Variants in RHAG observed in about 807,000 individuals in gnomAD.
RHAG encodes ammonium transporter Rh type A.
Under a neutral mutation model 42.4 loss-of-function variants are expected in RHAG, and 25 were observed. The ratio of observed to expected loss-of-function variants is 0.59; its 90% CI spans 0.43 to 0.82. The LOEUF (loss-of-function observed/expected upper bound fraction) is 0.82, where lower values mean the gene tolerates loss of function less well. Among genes scored for constraint, RHAG ranks in the 40% least tolerant of loss-of-function variants. RHAG has a pLI of 0.00. For missense variants in RHAG, 483 were observed against 504.6 expected (o/e 0.96, Z 0.41); for synonymous variants, 182 against 177.7 (o/e 1.02, Z -0.19).
intron 2 of RHAG, among the ~76,000 whole-genome samples, chr6:49,618,924 T>A (rs1425789638): frequency 1.3e-5 from 2 of 152,126 alleles, no homozygotes; most frequent in South Asian, 2.1e-4. Flanking sequence ...GCTGACAGAC[T>A]TGGTGTCTGA....
intron 1 of RHAG, among the ~76,000 whole-genome samples, chr6:49,629,338 C>T (rs916392878): frequency 1.3e-5 from 2 of 152,038 alleles, no homozygotes; most frequent in Non-Finnish European, 2.9e-5. Context: ...GGTGCACTCA[C>T]AAACCCTGAG....
chr6:49,617,634 G>A lies in RHAG; in HGVS notation c.492+434C>T, dbSNP rs116270655. On this transcript the variant is annotated intron_variant, in intron 3 of 9. Coordinates refer to ENST00000371175, the MANE Select transcript of RHAG (RefSeq NM_000324.3). ...TGGGGGGAATCAATGAAATATTTGT[G>A]GAGAAAAAAGTTTGACTGAGGCCTT... Among the ~76,000 whole-genome samples, 217 of 152,140 alleles carry A rather than the reference G, an allele frequency of 1.4e-3. 2 individuals are homozygous for A. Among genetic ancestry groups the A allele is most frequent in the African/African-American group, 5.1e-3 (212 of 41,516 alleles).
chr6:49,614,988 C>G, intron 4 of RHAG, 135 bp from the exon 5 acceptor site: 3 of 847,738 alleles, frequency 3.5e-6, no homozygotes, highest in South Asian at 3.3e-5. Flanking sequence ...CCCTCTGTCA[C>G]CCAGGCTGGA....
chr6:49,611,104 C>T lies in RHAG; in HGVS notation c.987G>A (p.Gly329=). The change falls in exon 7 of 10, where the codon GGG becomes GGA. Residue 329 remains glycine, a synonymous_variant. Coordinates refer to ENST00000371175, the MANE Select transcript of RHAG (RefSeq NM_000324.3). The part of the protein sequence containing the change: ...TTKLRIHDTC[G]VHNLHGLPGV... ...CAGGTAAGCCGTGGAGGTTATGGAC[C>T]CCACATGTATCATGGATCCTCAGTT... 1.2e-6 allele frequency: 2 copies of T among 1,613,446 alleles called. No homozygotes were observed. Among genetic ancestry groups the T allele is most frequent in the Non-Finnish European group, 1.7e-6 (2 of 1,179,590 alleles).
intron 1 of RHAG, among the ~76,000 whole-genome samples, chr6:49,634,589 A>AT (rs1204205866): frequency 1.3e-5 from 2 of 152,080 alleles, no homozygotes; most frequent in African/African-American, 2.4e-5. Flanking sequence ...GGATGAATAG[A>AT]TAAAAAAAAA....
chr6:49,635,888 C>T (rs961126567), intron 1 of RHAG, among the ~76,000 whole-genome samples: 2 of 151,966 alleles, frequency 1.3e-5, no homozygotes, highest in African/African-American at 4.8e-5. Flanking sequence ...TTAAGAAAAG[C>T]AAATAGTCTA....
rs373196411 is a variant in RHAG at position 49,605,820 on chromosome 6, G to C, written c.1223C>G (p.Thr408Arg). The part of the protein sequence containing the change: ...DDSVYWKVPK[T>R]R Reference sequence around the variant, plus strand: ...ATGGAACTGATTGTCAAGTTATCTCGTCTTAGGGACCTTTAAAAAAACAAG... The same window carrying C: ...ATGGAACTGATTGTCAAGTTATCTCCTCTTAGGGACCTTTAAAAAAACAAG... The change falls in exon 10 of 10, where the codon ACG becomes AGG. Residue 408 changes from threonine (T) to arginine (R), a missense_variant. Coordinates refer to ENST00000371175, the MANE Select transcript of RHAG (RefSeq NM_000324.3). 2.5e-6 allele frequency: 4 copies of C among 1,612,868 alleles called. No homozygotes were observed. Among genetic ancestry groups the C allele is most frequent in the Admixed American group, 1.7e-5 (1 of 59,966 alleles).
intron 1 of RHAG, among the ~76,000 whole-genome samples, chr6:49,626,250 G>A (rs1762842198): frequency 6.6e-6 from 1 of 152,140 alleles, no homozygotes; most frequent in Non-Finnish European, 1.5e-5. Flanking sequence ...TTCCACCTGT[G>A]AGTCTGTAAA....
At chr6:49,608,650 T>A (rs1762515442) in intron 7 of RHAG, among the ~76,000 whole-genome samples, 1 of 152,210 alleles carries the variant, frequency 6.6e-6, no homozygotes, top group Non-Finnish European at 1.5e-5. Context: ...GTGCTAGGAT[T>A]ACAGGCTTGA....
rs768786444 is a variant in RHAG at position 49,636,639 on chromosome 6, G to T, written c.157+17C>A. On this transcript the variant is annotated intron_variant, in intron 1 of 9. Coordinates refer to ENST00000371175, the MANE Select transcript of RHAG (RefSeq NM_000324.3). Reference sequence around the variant, plus strand: ...AGAACCGAAAAATGTATAGTAAGTAGTAAATTGCCTACTCACGAGGATATA... The same window carrying T: ...AGAACCGAAAAATGTATAGTAAGTATTAAATTGCCTACTCACGAGGATATA... 1 of 1,613,510 alleles carries T rather than the reference G, an allele frequency of 6.2e-7. No individual in the cohort carries two copies. Among genetic ancestry groups the T allele is most frequent in the Non-Finnish European group, 8.5e-7 (1 of 1,179,440 alleles).
chr6:49,625,956 C>T (rs148392027), intron 1 of RHAG, among the ~76,000 whole-genome samples: 44 of 152,260 alleles, frequency 2.9e-4, no homozygotes, highest in Admixed American at 1.3e-3. Flanking sequence ...TCTCAAGAGA[C>T]GTATTCACTA....
At chr6:49,624,980 T>C (rs763180547) in intron 1 of RHAG, among the ~76,000 whole-genome samples, 1 of 152,240 alleles carries the variant, frequency 6.6e-6, no homozygotes. Context: ...TTTGTCTGTA[T>C]ATATCTTTAT....
chr6:49,627,722 C>T (rs887854944), intron 1 of RHAG, among the ~76,000 whole-genome samples: 4 of 152,122 alleles, frequency 2.6e-5, no homozygotes, highest in South Asian at 2.1e-4. Context: ...TGGTGGAAGG[C>T]GAATGAGGAG....
At chr6:49,636,493 G>T (rs1250465726) in intron 1 of RHAG, among the ~76,000 whole-genome samples, 163 bp downstream of exon 1, 1 of 152,118 alleles carries the variant, frequency 6.6e-6, no homozygotes, top group Non-Finnish European at 1.5e-5. Flanking sequence ...TAATCACAGA[G>T]AAGAAGACCA....
At chr6:49,607,399 G>T (rs1207962496) in intron 7 of RHAG, among the ~76,000 whole-genome samples, 179 bp from the exon 8 acceptor site, 1 of 152,166 alleles carries the variant, frequency 6.6e-6, no homozygotes. Flanking sequence ...AAACTCTTGA[G>T]CAGTGTTAGA....
At chr6:49,606,444 GTCTT>G (rs890177725) in intron 9 of RHAG, among the ~76,000 whole-genome samples, 1 of 151,886 alleles carries the variant, frequency 6.6e-6, no homozygotes, top group Admixed American at 6.6e-5. Flanking sequence ...CTTTCTGTCT[GTCTT>G]TCTTTCTCTT....
intron 1 of RHAG, among the ~76,000 whole-genome samples, chr6:49,629,585 G>A (rs566103919): frequency 7.9e-5 from 12 of 152,220 alleles, no homozygotes; most frequent in Non-Finnish European, 1.3e-4. Flanking sequence ...GGGACTGGGC[G>A]CCGTGGAGCA....
intron 1 of RHAG, among the ~76,000 whole-genome samples, chr6:49,628,375 G>T (rs1426974994): frequency 6.6e-6 from 1 of 152,114 alleles, no homozygotes; most frequent in Non-Finnish European, 1.5e-5. Context: ...AAACTCCTGG[G>T]CCCAAGTGAT....
In RHAG at chr6:49,618,231, A is replaced by G; in HGVS notation, c.342-13T>C. The G allele has an allele frequency of 2.5e-6, 4 of 1,614,106 alleles. No homozygotes were observed. Among genetic ancestry groups the G allele is most frequent in the Non-Finnish European group, 3.4e-6 (4 of 1,179,986 alleles). On this transcript the variant is annotated splice_polypyrimidine_tract_variant and intron_variant, in intron 2 of 9. Transcript: ENST00000371175. ...TGCATTTATCATGCTGAAGGGAAACAAGAATAAATTGAAGAGTAATGCACA... is the reference window on the plus strand; with the variant it reads ...TGCATTTATCATGCTGAAGGGAAACGAGAATAAATTGAAGAGTAATGCACA...
Sources: gnomAD v4.1 joint callset for allele counts (sites outside exome capture counted in the v4.1 genomes callset) on GRCh38, gnomAD v4.1.1 for gene constraint, MANE v1.5 for transcripts, NCBI Gene and HGNC (gene_info 2026-07-23, HGNC 2026-07-21) for gene names.